MUC7: variants seen among roughly 807,000 people sequenced by gnomAD.
MUC7 encodes the protein mucin-7.
Under a neutral mutation model 2.5 loss-of-function variants are expected in MUC7, and 2 were observed. The ratio of observed to expected loss-of-function variants is 0.81; its 90% CI spans 0.33 to 2.55. The LOEUF (loss-of-function observed/expected upper bound fraction) is 2.55, where lower values mean the gene tolerates loss of function less well. Ranked by LOEUF, MUC7 falls within the 30% of genes most tolerant of loss-of-function variation. The pLI is 0.11. For synonymous variants in MUC7, 133 were observed against 173.4 expected (o/e 0.77, Z 1.83); for missense variants, 408 against 455.6 (o/e 0.90, Z 0.95).
chr4:70,480,832 C>T lies in MUC7; in HGVS notation c.88C>T (p.Arg30Cys), dbSNP rs780124896. ...AGGTCGAGAAAGGGATCATGAACTA[C>T]GTCACAGAAGGCATCATCACCAATC... ...SEGRERDHELRHRRHHHQSPK... is the reference protein window; with the variant it reads ...SEGRERDHELCHRRHHHQSPK... Residue 30 changes from arginine (R) to cysteine (C), a missense_variant, in exon 3 of 3, where the codon CGT (arginine) becomes TGT (cysteine). Arg to Cys is a radical substitution (Grantham distance 180). Around this residue, in one of 3 missense-constraint regions of MUC7, gnomAD observed 225 missense variants for 240.5 expected, o/e 0.94. Coordinates refer to ENST00000304887, the MANE Select transcript of MUC7 (RefSeq NM_152291.3). 1.1e-5 allele frequency: 17 copies of T among 1,613,904 alleles called. No homozygotes were observed. Among genetic ancestry groups the T allele is most frequent in the Admixed American group, 6.7e-5 (4 of 60,016 alleles).
chr4:70,480,924 A>G lies in MUC7; in HGVS notation c.180A>G (p.Arg60=), dbSNP rs757151987. 6.8e-6 allele frequency: 11 copies of G among 1,614,168 alleles called. No individual in the cohort carries two copies. Among genetic ancestry groups the G allele is most frequent in the Non-Finnish European group, 9.3e-6 (11 of 1,180,030 alleles). Residue 60 remains arginine, a synonymous_variant, in exon 3 of 3, where the codon AGA becomes AGG. Coordinates refer to ENST00000304887, the MANE Select transcript of MUC7 (RefSeq NM_152291.3). ...GLLAHQKPFI[R]KSYKCLHKRC... The stretch of plus-strand genomic sequence containing the variant: ...TAGCTCACCAGAAGCCGTTCATTAG[A>G]AAGTCCTATAAATGTCTGCACAAAC...
chr4:70,456,737 A>T (rs1030751770), intron 1 of MUC7, among the ~76,000 whole-genome samples: 1 of 152,184 alleles, frequency 6.6e-6, no homozygotes, highest in Non-Finnish European at 1.5e-5. Flanking sequence ...ACAGAGCCAA[A>T]CCATAGCAAG....
intron 1 of MUC7, among the ~76,000 whole-genome samples, chr4:70,455,569 A>G (rs1387545027): frequency 6.6e-6 from 1 of 152,154 alleles, no homozygotes; most frequent in African/African-American, 2.4e-5. Flanking sequence ...ATGGACATTA[A>G]TCTCATCATT....
At chr4:70,445,283 C>T (rs192092754) in intron 1 of MUC7, among the ~76,000 whole-genome samples, 5 of 152,224 alleles carry the variant, frequency 3.3e-5, no homozygotes, top group Non-Finnish European at 5.9e-5. Context: ...TTCATATTAC[C>T]TTCCTTGAAA....
rs185078823 is a variant in MUC7 at position 70,480,432 on chromosome 4, G to T, written c.55-367G>T. Among the ~76,000 whole-genome samples the T allele has an allele frequency of 1.4e-4, 21 of 152,316 alleles. No individual in the cohort carries two copies. In the East Asian group the frequency reaches 2.5e-3, roughly 18 times the overall value. On this transcript the variant is annotated intron_variant, in intron 2 of 2. Transcript: ENST00000304887. Reference sequence around the variant, plus strand: ...GTCTTTGACTAAAGTTTTGTGAACAGGCTGAGCAAGCAGGAAGCTTTTGTG... The same window carrying T: ...GTCTTTGACTAAAGTTTTGTGAACATGCTGAGCAAGCAGGAAGCTTTTGTG...
At chr4:70,475,767 T>G (rs915441944) in intron 2 of MUC7, among the ~76,000 whole-genome samples, 1 of 152,222 alleles carries the variant, frequency 6.6e-6, no homozygotes, top group African/African-American at 2.4e-5. Flanking sequence ...AGAAGTGGAA[T>G]GTACTTTTTT....
In MUC7 at chr4:70,482,927, C is replaced by T. The variant is rs922267168; in HGVS notation, c.*1049C>T. The T allele has an allele frequency of 5.9e-5, 9 of 152,288 alleles. No homozygotes were observed. Among genetic ancestry groups the T allele is most frequent in the African/African-American group, 1.9e-4 (8 of 41,414 alleles). 9.4% of individuals were successfully genotyped at this position (152,288 alleles called of 1,614,324 possible). A position where few individuals can be genotyped will look rare whatever the true frequency, so the allele number is the denominator to read the frequency against. ...ATGGAGGCATTTTTATCTTCTGTCA[C>T]TACTACTTAAAACTCTGATGATTAT... is the stretch of plus-strand genomic sequence containing the variant. On this transcript the variant is annotated 3_prime_UTR_variant, in exon 3 of 3. Coordinates refer to ENST00000304887, the MANE Select transcript of MUC7 (RefSeq NM_152291.3).
upstream of MUC7, among the ~76,000 whole-genome samples, chr4:70,468,383 C>G (rs1734735316): frequency 6.6e-6 from 1 of 152,112 alleles, no homozygotes. Context: ...CACTCCTGTT[C>G]AACATAGTAT....
intron 1 of MUC7, among the ~76,000 whole-genome samples, chr4:70,460,711 A>C (rs1734533110): frequency 6.6e-6 from 1 of 152,114 alleles, no homozygotes; most frequent in Non-Finnish European, 1.5e-5. Context: ...AGGACCCTGC[A>C]GTGCCTTTTG....
rs377468395 is a variant in MUC7, at chr4:70,475,255, G to A, written c.54+1180G>A. On this transcript the variant is annotated intron_variant, in intron 2 of 2. Coordinates refer to ENST00000304887, the MANE Select transcript of MUC7 (RefSeq NM_152291.3). ...GATTGCATCACTGCACTACAGCCTG[G>A]GTGACAGAGCAAGATTTTGTCTCAA... Among the ~76,000 whole-genome samples, 9 of 152,122 alleles carry A rather than the reference G, an allele frequency of 5.9e-5. No individual in the cohort carries two copies. In the East Asian group the frequency reaches 1.4e-3, roughly 23 times the overall value.
At chr4:70,443,114 C>CA (rs1372936090) in intron 1 of MUC7, among the ~76,000 whole-genome samples, 4 of 151,792 alleles carry the variant, frequency 2.6e-5, no homozygotes, top group African/African-American at 9.7e-5. Context: ...TGAAGTTCAC[C>CA]AAAAAATCTA....
At chr4:70,465,980 G>T (rs1315556811) in intron 1 of MUC7, among the ~76,000 whole-genome samples, 1 of 152,184 alleles carries the variant, frequency 6.6e-6, no homozygotes, top group Non-Finnish European at 1.5e-5. Context: ...AGGAAAAAGT[G>T]TTAAGGGCAG....
At chr4:70,450,859 C>CTAT (rs1734261982) in intron 1 of MUC7, among the ~76,000 whole-genome samples, 1 of 152,080 alleles carries the variant, frequency 6.6e-6, no homozygotes, top group Admixed American at 6.6e-5. Flanking sequence ...CCTTTCTCTC[C>CTAT]TTAAATGGTA....
intron 2 of MUC7, among the ~76,000 whole-genome samples, chr4:70,480,166 A>C (rs550724422): frequency 6.6e-6 from 1 of 152,368 alleles, no homozygotes; most frequent in East Asian, 1.9e-4. Flanking sequence ...ATGACTCATG[A>C]ACCCCCGAAT....
chr4:70,444,818 A>G (rs2109708960), intron 1 of MUC7, among the ~76,000 whole-genome samples: 1 of 152,228 alleles, frequency 6.6e-6, no homozygotes, highest in South Asian at 2.1e-4. Flanking sequence ...TTGGGAGGCC[A>G]AGGTGGGCAG....
At chr4:70,450,620 C>G (rs1219428774) in intron 1 of MUC7, among the ~76,000 whole-genome samples, 1 of 152,222 alleles carries the variant, frequency 6.6e-6, no homozygotes, top group Non-Finnish European at 1.5e-5. Context: ...TTGGCTATCA[C>G]TACTAGTTAT....
At chr4:70,438,456 T>TTTTGTTTTGTTTTGTTTTGG (rs1553917928) in intron 1 of MUC7, among the ~76,000 whole-genome samples, 269 of 151,460 alleles carry the variant, frequency 1.8e-3, no homozygotes, top group African/African-American at 6.1e-3. Context: ...TTTTGTTTTG[T>TTTTGTTTTGTTTTGTTTTGG]TTTGGTTTGG....
chr4:70,436,913 C>G (rs1291164430), intron 1 of MUC7, among the ~76,000 whole-genome samples: 1 of 152,114 alleles, frequency 6.6e-6, no homozygotes, highest in South Asian at 2.1e-4. Flanking sequence ...GATGTTGATG[C>G]TATTTCTTTC....
chr4:70,469,882 G>T (rs112537586), upstream of MUC7, among the ~76,000 whole-genome samples: 30 of 152,150 alleles, frequency 2.0e-4, no homozygotes, highest in African/African-American at 7.0e-4. Flanking sequence ...CAGAAATATC[G>T]TTTGACCCAG....
Sources: gnomAD v4.1 joint callset for allele counts (sites outside exome capture counted in the v4.1 genomes callset) on GRCh38, gnomAD v4.1.1 for gene constraint, gnomAD v4.1.1 regional missense constraint, MANE v1.5 for transcripts, NCBI Gene and HGNC (gene_info 2026-07-23, HGNC 2026-07-21) for gene names.